PIAS1: variants seen among roughly 807,000 people sequenced by gnomAD.
PIAS1 encodes the protein protein inhibitor of activated STAT 1.
A neutral mutation model predicts 71.3 loss-of-function variants in PIAS1; 6 were observed. The ratio of observed to expected loss-of-function variants is 0.08; its 90% CI spans 0.05 to 0.17. The LOEUF is 0.17. PIAS1 is among the 10% of genes least tolerant of loss of function. PIAS1 has a pLI of 1.00. For synonymous variants in PIAS1, 303 were observed against 292.9 expected (o/e 1.03, Z -0.35); for missense variants, 555 against 793.6 (o/e 0.70, Z 3.61).
chr15:68,062,745 C>T (rs928328924), intron 1 of PIAS1, among the ~76,000 whole-genome samples: 1 of 152,114 alleles, frequency 6.6e-6, no homozygotes, highest in Admixed American at 6.5e-5. Context: ...GAGAACAAAA[C>T]TAGGCACATA....
At chr15:68,180,245 C>T (rs1016674731) in intron 11 of PIAS1, among the ~76,000 whole-genome samples, 3 of 152,080 alleles carry the variant, frequency 2.0e-5, no homozygotes, top group Admixed American at 6.5e-5. Flanking sequence ...ACTACAGATA[C>T]GTGCCACCAG....
chr15:68,066,007 C>T (rs1469997892), intron 1 of PIAS1, among the ~76,000 whole-genome samples: 4 of 142,684 alleles, frequency 2.8e-5, no homozygotes, highest in African/African-American at 5.2e-5. Flanking sequence ...CATGCCTCAG[C>T]CTCCTAAAAG....
At chr15:68,085,280 G>A (rs2092269397) in intron 1 of PIAS1, among the ~76,000 whole-genome samples, 1 of 152,166 alleles carries the variant, frequency 6.6e-6, no homozygotes, top group African/African-American at 2.4e-5. Context: ...TAATAGCTGT[G>A]TGATCTTGGG....
At chr15:68,140,129 TTAAG>T (rs1355936423) in intron 2 of PIAS1, among the ~76,000 whole-genome samples, 8 of 152,234 alleles carry the variant, frequency 5.3e-5, no homozygotes, top group East Asian at 3.9e-4. Context: ...GGGGCTATTA[TTAAG>T]TAAGAAACCT....
chr15:68,135,105 C>CA (rs2092717315), intron 2 of PIAS1, among the ~76,000 whole-genome samples: 1 of 48,866 alleles, frequency 2.0e-5, no homozygotes, highest in Non-Finnish European at 8.5e-5. Context: ...GCTGACCCCC[C>CA]CACCTCCCTC....
chr15:68,162,142 A>C (rs71400388), intron 7 of PIAS1, among the ~76,000 whole-genome samples: 28,113 of 151,944 alleles, frequency 0.19, 2,766 homozygotes, highest in South Asian at 0.23. Context: ...ACAGGCATAG[A>C]GAGGTTAAGT....
Position 68,054,456 on chromosome 15 carries a change from A to C in PIAS1, c.24+106A>C, listed in dbSNP as rs981456372. 1 of 1,251,546 alleles carries C rather than the reference A, an allele frequency of 8.0e-7. No homozygotes were observed. Among genetic ancestry groups the C allele is most frequent in the African/African-American group, 1.5e-5 (1 of 65,626 alleles). 77.5% of individuals were successfully genotyped at this position (1,251,546 alleles called of 1,614,324 possible). A position where few individuals can be genotyped will look rare whatever the true frequency, so the allele number is the denominator to read the frequency against. On this transcript the variant is annotated intron_variant, in intron 1 of 13. Coordinates refer to ENST00000249636, the MANE Select transcript of PIAS1 (RefSeq NM_016166.3). The surrounding 1 kb of genome is among the most constrained non-coding windows in gnomAD (Gnocchi z 4.6). ...TGGGGGGCCTCTCGGGCCTGACTCC[A>C]CCCGGGCCTGGAGTTGTAGGGAGAG...
chr15:68,187,754 T>C lies in PIAS1; in HGVS notation c.1875T>C (p.His625=), dbSNP rs1168320063. 3.7e-6 allele frequency: 6 copies of C among 1,613,974 alleles called. No homozygotes were observed. Among genetic ancestry groups the C allele is most frequent in the South Asian group, 2.2e-5 (2 of 91,078 alleles). Residue 625 remains histidine (H), a synonymous_variant, in exon 14 of 14, where the codon CAT becomes CAC. Transcript: ENST00000249636. This position sits in a 1 kb window ranked among gnomAD's most constrained non-coding sequence, Gnocchi z 5.3. The stretch of plus-strand genomic sequence containing the variant: ...CTTCCAACAGCCTAAGGGAAAGCCA[T>C]AGCCACACCGTCACAAACAGGAGCA... ...LVSSNSLRES[H]SHTVTNRSST... is the part of the protein sequence containing the mutation.
Position 68,091,918 on chromosome 15 carries a change from ATTG to A in PIAS1, c.469+5171_469+5173del, listed in dbSNP as rs531427693. 3.3e-4 allele frequency among the ~76,000 whole-genome samples: 51 copies of A among 152,254 alleles called. No individual in the cohort carries two copies. The South Asian group carries it at 9.7e-3, about 29-fold the overall frequency. ...TCGAAGTAATTTCTACTGAATACCT[ATTG>A]TTTTCTTACCACCATGAAGTTGGAA... On this transcript the variant is annotated intron_variant, in intron 2 of 13. Coordinates refer to ENST00000249636, the MANE Select transcript of PIAS1 (RefSeq NM_016166.3).
chr15:68,069,281 C>G (rs1207450539), intron 1 of PIAS1, among the ~76,000 whole-genome samples: 1 of 152,114 alleles, frequency 6.6e-6, no homozygotes, highest in East Asian at 1.9e-4. Context: ...AATAAGTATT[C>G]TTTGTGGCTA....
chr15:68,117,229 A>G (rs1228325868), intron 2 of PIAS1, among the ~76,000 whole-genome samples: 1 of 152,046 alleles, frequency 6.6e-6, no homozygotes, highest in Non-Finnish European at 1.5e-5. Flanking sequence ...CTGGGACTAC[A>G]GGTGTGCGCC....
At chr15:68,183,705 A>T (rs756578931) in intron 13 of PIAS1, 38 bp downstream of exon 13, 1 of 800,094 alleles carries the variant, frequency 1.2e-6, no homozygotes, top group South Asian at 1.6e-5. Context: ...TTAATTGTAC[A>T]TTAAAAATAC....
At chr15:68,124,584 G>T (rs1041225783) in intron 2 of PIAS1, among the ~76,000 whole-genome samples, 1 of 152,118 alleles carries the variant, frequency 6.6e-6, no homozygotes, top group East Asian at 1.9e-4. Flanking sequence ...AGCCGGGTGT[G>T]GTGGTGCATG....
intron 7 of PIAS1, among the ~76,000 whole-genome samples, chr15:68,162,142 A>T (rs71400388): frequency 1.3e-5 from 2 of 151,872 alleles, no homozygotes; most frequent in Non-Finnish European, 2.9e-5. Flanking sequence ...ACAGGCATAG[A>T]GAGGTTAAGT....
chr15:68,059,709 CAAAAAAAAAAAAA>C (rs770069635), intron 1 of PIAS1, among the ~76,000 whole-genome samples: 2 of 76,478 alleles, frequency 2.6e-5, no homozygotes, highest in African/African-American at 5.1e-5. Flanking sequence ...CCGTCTCAAA[CAAAAAAAAAAAAA>C]AAAAAAAAGA....
At chr15:68,090,927 G>GTGTGTGT (rs1555425137) in intron 2 of PIAS1, among the ~76,000 whole-genome samples, 1,979 of 142,830 alleles carry the variant, frequency 0.014, 39 homozygotes, top group African/African-American at 0.048. Context: ...GTCATTTACG[G>GTGTGTGT]GTGTGTGTGT....
chr15:68,153,039 G>C (rs2092859735), intron 6 of PIAS1, among the ~76,000 whole-genome samples: 1 of 150,644 alleles, frequency 6.6e-6, no homozygotes, highest in East Asian at 2.0e-4. Context: ...TCTGCTTGTT[G>C]TGATAATGGC....
At chr15:68,063,922 T>A (rs1294770848) in intron 1 of PIAS1, among the ~76,000 whole-genome samples, 3 of 139,652 alleles carry the variant, frequency 2.1e-5, no homozygotes, top group Non-Finnish European at 4.7e-5. Flanking sequence ...AAAAAAAAAA[T>A]GCCAGTTAAA....
chr15:68,152,050 C>T lies in PIAS1; in HGVS notation c.829-1540C>T, dbSNP rs566317378. Among the ~76,000 whole-genome samples, 22 of 144,364 alleles carry T rather than the reference C, an allele frequency of 1.5e-4. No individual in the cohort carries two copies. In the East Asian group the frequency reaches 2.3e-3, roughly 15 times the overall value. The allele number at this position is 144,364 out of a possible 152,430, so 94.7% of individuals were successfully genotyped here. On this transcript the variant is annotated intron_variant, in intron 6 of 13. Transcript: ENST00000249636. The stretch of plus-strand genomic sequence containing the variant: ...CTGCAAGCTCTGCCTCCCAGGCTCA[C>T]GCCATTCTCCTGCCCCAGGCTCCCA...
Sources: gnomAD v4.1 joint callset for allele counts (sites outside exome capture counted in the v4.1 genomes callset) on GRCh38, gnomAD v4.1.1 for gene constraint, Gnocchi (gnomAD v3.1) non-coding constraint, MANE v1.5 for transcripts, NCBI Gene and HGNC (gene_info 2026-07-23, HGNC 2026-07-21) for gene names.